The following RAD9B variants were observed in gnomAD, a reference collection of about 807,000 sequenced individuals.
The protein encoded by RAD9B is RAD9 checkpoint clamp component B.
RAD9B carries 41 observed loss-of-function variants against 48.3 expected under a neutral mutation model. The observed-to-expected ratio is 0.85, with a 90% CI of 0.66 to 1.10. RAD9B has a LOEUF of 1.10. Among genes scored for constraint, RAD9B ranks in the 50% least tolerant of loss-of-function variants. The pLI is 0.00. For missense variants in RAD9B, 444 were observed against 485.1 expected, an observed-to-expected ratio of 0.92 and a Z score of 0.80; for synonymous variants, 160 against 157.9, an observed-to-expected ratio of 1.01 and a Z score of -0.10.
At chr12:110,520,571 T>C (rs1424471973) in intron 9 of RAD9B, among the ~76,000 whole-genome samples, 1 of 150,454 alleles carries the variant, frequency 6.6e-6, no homozygotes, top group Non-Finnish European at 1.5e-5. Flanking sequence ...GGAAAGTCTA[T>C]ATTCACTTCC....
At chr12:110,523,643 C>G (rs1046740956) in intron 10 of RAD9B, among the ~76,000 whole-genome samples, 1 of 152,162 alleles carries the variant, frequency 6.6e-6, no homozygotes, top group Non-Finnish European at 1.5e-5. Context: ...TTGTCCCCTC[C>G]TATTTTTCTA....
At position 110,502,396 on chromosome 12, in the gene RAD9B, T is replaced by C; in HGVS notation, c.46+13T>C. The C allele has an allele frequency of 1.9e-6, 3 of 1,613,368 alleles. No individual in the cohort carries two copies. Among genetic ancestry groups the C allele is most frequent in the Non-Finnish European group, 2.5e-6 (3 of 1,179,658 alleles). Reference sequence around the variant, plus strand: ...AGTCAGGTGAAAGGTGGAGCGGCCTTTGTTGTCTTCCCATTTAGCAGAGAG... The same window carrying C: ...AGTCAGGTGAAAGGTGGAGCGGCCTCTGTTGTCTTCCCATTTAGCAGAGAG... On this transcript the variant is annotated intron_variant, in intron 1 of 10. Transcript: ENST00000409300.
rs2064149467 is a variant in RAD9B at position 110,531,868 on chromosome 12, T to C, written c.*1215T>C. On this transcript the variant is annotated 3_prime_UTR_variant, in exon 11 of 11. Transcript: ENST00000409300. ...CGAGACTTTTGTAACATATTATTGT[T>C]ACATCTTTCTGAAACCTTCAAACCG... 2.1e-6 allele frequency: 1 copy of C among 470,152 alleles called. No homozygotes were observed. The allele number at this position is 470,152 out of a possible 1,614,324, so 29.1% of individuals were successfully genotyped here.
In RAD9B at chr12:110,532,774, C is replaced by A. The variant is rs573759010; in HGVS notation, c.*2121C>A. Reference sequence around the variant, plus strand: ...TATACAGATGCTTACTGTTGTGTTACAACTGCCTACAGTATTCAGTACAGT... The same window carrying A: ...TATACAGATGCTTACTGTTGTGTTAAAACTGCCTACAGTATTCAGTACAGT... On this transcript the variant is annotated 3_prime_UTR_variant, in exon 11 of 11. Coordinates refer to ENST00000409300, the MANE Select transcript of RAD9B (RefSeq NM_001286535.2). Among the ~76,000 whole-genome samples the A allele has an allele frequency of 3.1e-3, 467 of 152,280 alleles. 6 individuals carry two copies. Among genetic ancestry groups the A allele is most frequent in the African/African-American group, 0.011 (438 of 41,554 alleles).
chr12:110,506,990 C>T (rs1287776827), intron 4 of RAD9B, among the ~76,000 whole-genome samples: 4 of 152,058 alleles, frequency 2.6e-5, no homozygotes, highest in Admixed American at 2.6e-4. Flanking sequence ...CAGGCACCTG[C>T]CATCATGCCC....
At chr12:110,506,828 G>T in intron 4 of RAD9B, 135 bp downstream of exon 4, 4 of 492,940 alleles carry the variant, frequency 8.1e-6, no homozygotes, top group East Asian at 3.9e-5. Context: ...TGGTAGGGCA[G>T]TTTGAAGTAT....
rs983917643 is a variant in RAD9B at position 110,531,201 on chromosome 12, T to C, written c.*548T>C. 5.1e-6 allele frequency: 5 copies of C among 974,068 alleles called. No individual in the cohort carries two copies. The Admixed American group carries it at 2.3e-4, about 46-fold the overall frequency. 60.3% of individuals were successfully genotyped at this position (974,068 alleles called of 1,614,324 possible). On this transcript the variant is annotated 3_prime_UTR_variant, in exon 11 of 11. Coordinates refer to ENST00000409300, the MANE Select transcript of RAD9B (RefSeq NM_001286535.2). Reference sequence around the variant, plus strand: ...AGTAAAAATATATAGTCACTTTCACTTGGCTTTTTTAGACGGAGTCTCACT... The same window carrying C: ...AGTAAAAATATATAGTCACTTTCACCTGGCTTTTTTAGACGGAGTCTCACT...
intron 1 of RAD9B, chr12:110,502,647 T>G: frequency 2.0e-6 from 1 of 500,656 alleles, no homozygotes; most frequent in South Asian, 2.5e-5. Context: ...CTCGGGATGC[T>G]GAGGACTGCA....
chr12:110,507,368 TATATA>T (rs1001698284), intron 4 of RAD9B, among the ~76,000 whole-genome samples: 110 of 143,524 alleles, frequency 7.7e-4, no homozygotes, highest in Admixed American at 1.4e-3. Context: ...ATATGTATTA[TATATA>T]ATATATGTAT....
chr12:110,510,064 C>T lies in RAD9B; in HGVS notation c.389-2715C>T, dbSNP rs1029322138. ...TAAAATAGGTCATATTATGTCACTT[C>T]GGTGCTCAAAACTCTCCCAGTAGCT... On this transcript the variant is annotated intron_variant, in intron 4 of 10. Coordinates refer to ENST00000409300, the MANE Select transcript of RAD9B (RefSeq NM_001286535.2). Among the ~76,000 whole-genome samples, 7 of 152,274 alleles carry T rather than the reference C, an allele frequency of 4.6e-5. No individual in the cohort carries two copies. The East Asian group carries it at 5.8e-4, about 13-fold the overall frequency.
chr12:110,518,964 C>T (rs753238995), intron 8 of RAD9B, 26 bp downstream of exon 8: 18 of 1,462,150 alleles, frequency 1.2e-5, no homozygotes, highest in Non-Finnish European at 1.2e-5. Context: ...TTTTTCTGAG[C>T]TTGTTTCTTT....
chr12:110,509,089 C>T (rs2063380943), intron 4 of RAD9B, among the ~76,000 whole-genome samples: 1 of 152,078 alleles, frequency 6.6e-6, no homozygotes, highest in African/African-American at 2.4e-5. Context: ...CTCAGCCTCT[C>T]GAGTAGTTGG....
At position 110,505,732 on chromosome 12, in the gene RAD9B, T is replaced by A; in HGVS notation, c.233T>A (p.Leu78His). 6.2e-7 allele frequency: 1 copy of A among 1,611,944 alleles called. No individual in the cohort carries two copies. The highest frequency in any genetic ancestry group is 1.1e-5 in the South Asian group (1 of 90,486). Residue 78 changes from leucine (L) to histidine (H), a missense_variant, in exon 3 of 11, where the codon CTT becomes CAT. By Grantham distance (99) the Leu-to-His change is moderately conservative (BLOSUM62 -3). Transcript: ENST00000409300. ...SALVKMSENE[L>H]DTTLHLKCKL... ...TTAGTGAAAATGAGTGAAAATGAAC[T>A]TGACACAACACTGCATTTAAAATGC...
intron 9 of RAD9B, among the ~76,000 whole-genome samples, chr12:110,520,791 CAT>C (rs761892849): frequency 3.3e-5 from 5 of 151,770 alleles, no homozygotes; most frequent in East Asian, 1.9e-4. Context: ...GCTGGGATGA[CAT>C]GTGTGCACTA....
At chr12:110,522,530 A>T in intron 10 of RAD9B, 119 bp downstream of exon 10, 2 of 721,018 alleles carry the variant, frequency 2.8e-6, no homozygotes, top group Non-Finnish European at 4.6e-6. Context: ...TTATTTTTTG[A>T]TAGGGGAAAA....
At chr12:110,514,528 G>A (rs1409266790) in intron 5 of RAD9B, among the ~76,000 whole-genome samples, 2 of 152,134 alleles carry the variant, frequency 1.3e-5, no homozygotes, top group Non-Finnish European at 2.9e-5. Context: ...TTGAAAAAAG[G>A]AGCCAGAATA....
intron 9 of RAD9B, 132 bp downstream of exon 9, chr12:110,520,048 A>G: frequency 1.1e-6 from 1 of 935,496 alleles, no homozygotes; most frequent in Non-Finnish European, 1.6e-6. Flanking sequence ...GACTGAATAC[A>G]GAAGAGCTGT....
In RAD9B at chr12:110,519,777, T is replaced by A. The variant is rs1341188535; in HGVS notation, c.768-17T>A. ...CAGAAAATGAGTGTCACTGTTGCTCTGACTTGGCTTTTTTAGACCTCTGGC... is the reference window on the plus strand; with the variant it reads ...CAGAAAATGAGTGTCACTGTTGCTCAGACTTGGCTTTTTTAGACCTCTGGC... On this transcript the variant is annotated splice_polypyrimidine_tract_variant and intron_variant, in intron 8 of 10. Transcript: ENST00000409300. 1.3e-6 allele frequency: 2 copies of A among 1,596,504 alleles called. No homozygotes were observed. The highest frequency in any genetic ancestry group is 1.4e-5 in the African/African-American group (1 of 73,686).
At chr12:110,513,260 G>A (rs760744707) in intron 5 of RAD9B, among the ~76,000 whole-genome samples, 4 of 149,948 alleles carry the variant, frequency 2.7e-5, no homozygotes, top group East Asian at 1.9e-4. Flanking sequence ...GAGCCACCAC[G>A]CCCTGCCATT....
Sources: gnomAD v4.1 joint callset for allele counts (sites outside exome capture counted in the v4.1 genomes callset) on GRCh38, gnomAD v4.1.1 for gene constraint, MANE v1.5 for transcripts, NCBI Gene and HGNC (gene_info 2026-07-23, HGNC 2026-07-21) for gene names.